MIER3: variants seen among roughly 807,000 people sequenced by gnomAD.
The protein encoded by MIER3 is MIER family member 3, also known as mesoderm induction early response protein 3.
In MIER3, 9 loss-of-function variants were observed where a neutral mutation model predicts 63.2. The ratio of observed to expected loss-of-function variants is 0.14; its 90% CI spans 0.09 to 0.25. The LOEUF is 0.25. Among genes scored for constraint, MIER3 ranks in the 10% least tolerant of loss-of-function variants. The pLI is 1.00. For synonymous variants in MIER3, 205 were observed against 224.9 expected (o/e 0.91, Z 0.79); for missense variants, 512 against 666.2 (o/e 0.77, Z 2.55).
chr5:56,925,191 A>G (rs771070645), intron 10 of MIER3: 1 of 294,562 alleles, frequency 3.4e-6, no homozygotes, highest in Non-Finnish European at 6.6e-6. Context: ...CATCTTTGAG[A>G]AACATTAGAT....
chr5:56,938,734 C>G, intron 4 of MIER3, 149 bp downstream of exon 4: 2 of 972,470 alleles, frequency 2.1e-6, no homozygotes, highest in Admixed American at 5.3e-5. Context: ...GTGATCAAAG[C>G]CAAACAAAGT....
At chr5:56,937,043 T>C (rs1750470088) in intron 5 of MIER3, 1 of 151,972 alleles carries the variant, frequency 6.6e-6, no homozygotes, top group Admixed American at 6.6e-5. Flanking sequence ...CTTGTAAAAA[T>C]AAAGTCAATA....
intron 7 of MIER3, among the ~76,000 whole-genome samples, chr5:56,934,390 T>G (rs1298401040): frequency 6.6e-6 from 1 of 152,194 alleles, no homozygotes; most frequent in Non-Finnish European, 1.5e-5. Flanking sequence ...TAAAACAATT[T>G]GGGTTTATTC....
At chr5:56,931,635 G>C (rs1750270626) in intron 8 of MIER3, among the ~76,000 whole-genome samples, 1 of 152,106 alleles carries the variant, frequency 6.6e-6, no homozygotes, top group African/African-American at 2.4e-5. Flanking sequence ...AAAGACAGTA[G>C]AACCAAGGAT....
chr5:56,938,362 A>C (rs773756837), intron 4 of MIER3: 1 of 471,108 alleles, frequency 2.1e-6, no homozygotes, highest in South Asian at 1.5e-5. Flanking sequence ...AAAGGTTCCC[A>C]GGGATCTGTT....
chr5:56,943,198 C>A (rs771097629), intron 3 of MIER3, among the ~76,000 whole-genome samples: 5 of 151,960 alleles, frequency 3.3e-5, no homozygotes, highest in African/African-American at 4.8e-5. Flanking sequence ...AAGCTAAAGA[C>A]TGAACGGGAG....
intron 5 of MIER3, among the ~76,000 whole-genome samples, chr5:56,936,461 T>TAA (rs959044127): frequency 6.9e-6 from 1 of 145,274 alleles, no homozygotes; most frequent in Non-Finnish European, 1.5e-5. Context: ...TAAAAATACC[T>TAA]AAAAAAAAAA....
chr5:56,925,349 C>T (rs1469719595), intron 10 of MIER3: 6 of 454,136 alleles, frequency 1.3e-5, no homozygotes, highest in Non-Finnish European at 2.2e-5. Context: ...TGACTGTCTA[C>T]GTAGAAAACT....
intron 3 of MIER3, among the ~76,000 whole-genome samples, chr5:56,943,501 G>A (rs762790010): frequency 1.7e-4 from 26 of 152,062 alleles, no homozygotes; most frequent in Non-Finnish European, 7.4e-5. Flanking sequence ...AGAAAACCCC[G>A]CTTTTCTATA....
Position 56,935,673 on chromosome 5 carries a change from A to G in MIER3, c.515T>C (p.Leu172Ser). ...TATATTAACTCAGCTTACCTTCCTCAAATCTTCAGGTGAATTACCACTGTC... is the reference window on the plus strand; with the variant it reads ...TATATTAACTCAGCTTACCTTCCTCGAATCTTCAGGTGAATTACCACTGTC... ...ETDSGNSPED[L>S]RKEIMIGLQY... Residue 172 changes from leucine to serine, a missense_variant, in exon 6 of 13, where the codon TTG (leucine) becomes TCG (serine). This residue lies in a region of MIER3 where 118 missense variants were observed against 133.6 expected (regional missense o/e 0.88). Coordinates refer to ENST00000381199, the MANE Select transcript of MIER3 (RefSeq NM_001297599.2). 6.2e-7 allele frequency: 1 copy of G among 1,613,518 alleles called. No individual in the cohort carries two copies. The highest frequency in any genetic ancestry group is 8.5e-7 in the Non-Finnish European group (1 of 1,179,598).
intron 2 of MIER3, among the ~76,000 whole-genome samples, chr5:56,950,014 T>C (rs939099029): frequency 6.6e-6 from 1 of 152,244 alleles, no homozygotes; most frequent in African/African-American, 2.4e-5. Flanking sequence ...CATTAGATCC[T>C]GACAGGGGTT....
Position 56,947,028 on chromosome 5 carries a change from A to G in MIER3, c.78T>C (p.Ala26=). 6.2e-7 allele frequency: 1 copy of G among 1,610,394 alleles called. No individual in the cohort carries two copies. The highest frequency in any genetic ancestry group is 1.1e-5 in the South Asian group (1 of 90,148). ...CATCATAGTCATGGACCAACATCTC[A>G]GCAGTGGGGTCAAAATCATGATCCT... is the stretch of plus-strand genomic sequence containing the variant. ...SSEDHDFDPT[A]EMLVHDYDDE... Residue 26 remains alanine, a synonymous_variant, in exon 3 of 13, where the codon GCT becomes GCC. Transcript: ENST00000381199.
Position 56,921,204 on chromosome 5 carries a change from A to G in MIER3, c.*1924T>C, listed in dbSNP as rs1211402318. On this transcript the variant is annotated 3_prime_UTR_variant, in exon 13 of 13. Transcript: ENST00000381199. ...TATTTATACAGACCAGCCACTGTAA[A>G]CCCAGAGTGAAAATTAAGGTTATAA... 2 of 152,564 alleles carry G rather than the reference A, an allele frequency of 1.3e-5. No homozygotes were observed. The highest frequency in any genetic ancestry group is 2.4e-5 in the African/African-American group (1 of 41,448). 9.5% of individuals were successfully genotyped at this position (152,564 alleles called of 1,614,324 possible). A position where few individuals can be genotyped will look rare whatever the true frequency, so the allele number is the denominator to read the frequency against.
chr5:56,933,083 C>T (rs558845997), intron 8 of MIER3, among the ~76,000 whole-genome samples, 164 bp downstream of exon 8: 7 of 152,240 alleles, frequency 4.6e-5, no homozygotes, highest in African/African-American at 1.7e-4. Flanking sequence ...GTGAAGTTAT[C>T]TCTAGAACTC....
intron 3 of MIER3, among the ~76,000 whole-genome samples, chr5:56,940,031 A>C (rs879616479): frequency 1.3e-5 from 2 of 152,124 alleles, no homozygotes; most frequent in Admixed American, 1.3e-4. Context: ...AAGTGTATAG[A>C]ACTATTTATC....
chr5:56,928,805 G>A lies in MIER3; in HGVS notation c.886C>T (p.Leu296Phe). ...ATAAGATGAAAATCTTTTCCAAAAA[G>A]CATGAGTGCATGTTCAAAGCTTCGG... ...ECRSFEHALM[L>F]FGKDFHLIQK... is the part of the protein sequence containing the mutation. The change falls in exon 10 of 13, where the codon CTT (leucine) becomes TTT (phenylalanine). Residue 296 changes from leucine to phenylalanine, a missense_variant. This residue lies in a region of MIER3 where 34 missense variants were observed against 86.3 expected (regional missense o/e 0.39). Coordinates refer to ENST00000381199, the MANE Select transcript of MIER3 (RefSeq NM_001297599.2). The A allele has an allele frequency of 3.1e-6, 5 of 1,613,424 alleles. No individual in the cohort carries two copies. Among genetic ancestry groups the A allele is most frequent in the Non-Finnish European group, 4.2e-6 (5 of 1,179,676 alleles).
At chr5:56,929,573 CAAAAA>C (rs1472395475) in intron 9 of MIER3, 1 of 151,842 alleles carries the variant, frequency 6.6e-6, no homozygotes, top group African/African-American at 2.4e-5. Context: ...TCAAAAAAGA[CAAAAA>C]ACAAAACCAC....
At chr5:56,926,131 A>T (rs1749969223) in intron 10 of MIER3, among the ~76,000 whole-genome samples, 1 of 152,156 alleles carries the variant, frequency 6.6e-6, no homozygotes, top group Non-Finnish European at 1.5e-5. Context: ...TGTAAATGCA[A>T]AACTATAAAG....
chr5:56,926,528 C>T (rs1749990186), intron 10 of MIER3, among the ~76,000 whole-genome samples: 1 of 151,558 alleles, frequency 6.6e-6, no homozygotes, highest in African/African-American at 2.4e-5. Context: ...CAAATTAAAA[C>T]AAAAAAGAGA....
Sources: allele counts gnomAD v4.1 joint callset (sites outside exome capture counted in the v4.1 genomes callset), GRCh38; gene constraint gnomAD v4.1.1; regional missense constraint gnomAD v4.1.1; transcripts MANE v1.5; gene names NCBI Gene and HGNC (gene_info 2026-07-23, HGNC 2026-07-21).